CIROZ: variants seen among roughly 807,000 people sequenced by gnomAD.
CIROZ encodes ciliated left-right organizer ZP-N domains-containing protein.
At chr1:10,948,519 G>T in the CIROZ span, 1 of 1,614,148 alleles carries the variant, frequency 6.2e-7, no homozygotes. Flanking sequence ...TTCAGTCAGG[G>T]TGACAGATGG....
chr1:10,976,003 A>C, the CIROZ span, among the ~76,000 whole-genome samples: 1 of 151,990 alleles, frequency 6.6e-6, no homozygotes, highest in Non-Finnish European at 1.5e-5. Context: ...TTGTTGGGAG[A>C]ATGACAGCCT....
the CIROZ span, among the ~76,000 whole-genome samples, chr1:10,960,506 C>G: frequency 6.6e-6 from 1 of 152,222 alleles, no homozygotes; most frequent in African/African-American, 2.4e-5. The surrounding 1 kb of genome is among the most constrained non-coding windows in gnomAD (Gnocchi z 4.6). Flanking sequence ...ATTTAGGGCC[C>G]GTGGACATTC....
chr1:10,959,121 CTT>C, the CIROZ span, among the ~76,000 whole-genome samples: 1 of 152,178 alleles, frequency 6.6e-6, no homozygotes, highest in Admixed American at 6.5e-5. The surrounding 1 kb of genome is among the most constrained non-coding windows in gnomAD (Gnocchi z 4.3). Context: ...GTCCCAATTT[CTT>C]TCTCGCCCTT....
At chr1:10,958,755 G>A in the CIROZ span, 7 of 1,613,802 alleles carry the variant, frequency 4.3e-6, no homozygotes, top group Non-Finnish European at 5.1e-6. Context: ...CGGGAGACCT[G>A]CAGAGACAAA....
chr1:10,970,876 G>A, the CIROZ span, among the ~76,000 whole-genome samples: 1 of 150,828 alleles, frequency 6.6e-6, no homozygotes, highest in Non-Finnish European at 1.5e-5. Context: ...CAGGCATGGG[G>A]GCTCATACCT....
chr1:10,957,602 T>C, the CIROZ span: 1 of 1,613,300 alleles, frequency 6.2e-7, no homozygotes, highest in South Asian at 1.1e-5. Context: ...CAGAGCCTGC[T>C]GCCCACCACT....
At chr1:10,979,571 G>C in the CIROZ span, among the ~76,000 whole-genome samples, 5 of 150,174 alleles carry the variant, frequency 3.3e-5, no homozygotes, top group East Asian at 9.7e-4. Flanking sequence ...TCCACCCTTC[G>C]ACCCAGCGCT....
the CIROZ span, chr1:10,955,154 G>A: frequency 6.2e-7 from 1 of 1,609,416 alleles, no homozygotes; most frequent in Admixed American, 1.7e-5. Context: ...TTGGGGATGT[G>A]AACTAAGACC....
the CIROZ span, chr1:10,948,813 T>C: frequency 3.0e-5 from 46 of 1,511,238 alleles, no homozygotes; most frequent in Middle Eastern, 1.1e-3. Flanking sequence ...TCTCGCCGGT[T>C]TGGCTGTTTG....
At chr1:10,951,192 G>A in the CIROZ span, among the ~76,000 whole-genome samples, 26 of 152,280 alleles carry the variant, frequency 1.7e-4, no homozygotes, top group East Asian at 9.6e-4. Flanking sequence ...CCAGCACTTC[G>A]GGAGGCCAAG....
At chr1:10,948,748 G>C in the CIROZ span, 5 of 1,543,562 alleles carry the variant, frequency 3.2e-6, no homozygotes, top group Non-Finnish European at 4.4e-6. Context: ...GGAGGCTGGG[G>C]ACCTCGCTGA....
At chr1:10,951,730 T>TAAAAAAAAA in the CIROZ span, among the ~76,000 whole-genome samples, 26 of 125,324 alleles carry the variant, frequency 2.1e-4, 1 homozygote, top group African/African-American at 7.6e-4. Flanking sequence ...GTCTCTTATT[T>TAAAAAAAAA]AAAAAAAAAA....
the CIROZ span, chr1:10,957,149 C>T: frequency 1.9e-5 from 29 of 1,490,664 alleles, no homozygotes; most frequent in Non-Finnish European, 2.3e-5. Context: ...TCCAAAACTG[C>T]TCCTTCCAGA....
chr1:10,948,066 A>T, the CIROZ span: 1 of 1,613,422 alleles, frequency 6.2e-7, no homozygotes, highest in South Asian at 1.1e-5. Context: ...CACCCTGGGC[A>T]TCCCGGTGAG....
At chr1:10,974,678 G>A in the CIROZ span, among the ~76,000 whole-genome samples, 12 of 152,256 alleles carry the variant, frequency 7.9e-5, no homozygotes, top group South Asian at 6.2e-4. This position sits in a 1 kb window ranked among gnomAD's most constrained non-coding sequence, Gnocchi z 4.4. Context: ...AGGTGCCAGC[G>A]GCCACAGAGG....
the CIROZ span, among the ~76,000 whole-genome samples, chr1:10,977,319 A>G: frequency 6.6e-6 from 1 of 152,146 alleles, no homozygotes; most frequent in African/African-American, 2.4e-5. Flanking sequence ...CCCCGTCTCT[A>G]CTAAAATACA....
chr1:10,949,936 C>G, the CIROZ span: 3 of 840,268 alleles, frequency 3.6e-6, no homozygotes, highest in Non-Finnish European at 5.4e-6. Context: ...TTGGGGAGGT[C>G]AGATGCAAGT....
chr1:10,947,775 G>GC, the CIROZ span: 2 of 1,597,242 alleles, frequency 1.3e-6, no homozygotes, highest in South Asian at 1.1e-5. Context: ...CTGGAGTGAG[G>GC]CCCCCCGGCC....
chr1:10,967,989 T>C, the CIROZ span, among the ~76,000 whole-genome samples: 3 of 150,666 alleles, frequency 2.0e-5, no homozygotes, highest in East Asian at 2.0e-4. Flanking sequence ...AATAAATAAA[T>C]ACAAATAAAA....
Sources: allele counts gnomAD v4.1 joint callset (sites outside exome capture counted in the v4.1 genomes callset), GRCh38; gene constraint gnomAD v4.1.1; non-coding constraint Gnocchi (gnomAD v3.1); transcripts MANE v1.5; gene names NCBI Gene and HGNC (gene_info 2026-07-23, HGNC 2026-07-21).